CCSAP: variants seen among roughly 807,000 people sequenced by gnomAD.
CCSAP encodes the protein centriole, cilia and spindle associated protein, also known as centriole, cilia and spindle-associated protein.
CCSAP carries 17 observed loss-of-function variants against 25.9 expected under a neutral mutation model. The observed-to-expected ratio is 0.66, with a 90% CI of 0.45 to 0.99. CCSAP has a LOEUF of 0.99. Among genes scored for constraint, CCSAP ranks in the 50% least tolerant of loss-of-function variants. The probability of loss-of-function intolerance (pLI) is 0.00; values close to 1 mark genes in which losing one functional copy is unlikely to be tolerated. For synonymous variants in CCSAP, 169 were observed against 157.1 expected (o/e 1.08, Z -0.57); for missense variants, 339 against 367.8 (o/e 0.92, Z 0.64).
Position 229,341,650 on chromosome 1 carries a change from A to G in CCSAP, c.367+449T>C, listed in dbSNP as rs1377717943. ...GGTCGGGGAGTTAATACGGAAAACA[A>G]TGGCCCCATTCATCAGACAAAGCTT... On this transcript the variant is annotated intron_variant, in intron 2 of 3. Transcript: ENST00000284617. Among the ~76,000 whole-genome samples, 3 of 152,238 alleles carry G rather than the reference A, an allele frequency of 2.0e-5. 1 individual carries two copies. Among genetic ancestry groups the G allele is most frequent in the Non-Finnish European group, 4.4e-5 (3 of 68,044 alleles).
rs80083823 is a variant in CCSAP, at chr1:229,338,293, C to T, written c.367+3806G>A. Among the ~76,000 whole-genome samples, 15 of 151,974 alleles carry T rather than the reference C, an allele frequency of 9.9e-5. No homozygotes were observed. In the East Asian group the frequency reaches 1.5e-3, roughly 16 times the overall value. ...AGGGTGGCCAATGCTGAAAGGAAAG[C>T]GAAACTGAGTGAAAGGAGCAAGGGG... is the stretch of plus-strand genomic sequence containing the variant. On this transcript the variant is annotated intron_variant, in intron 2 of 3. Coordinates refer to ENST00000284617, the MANE Select transcript of CCSAP (RefSeq NM_145257.5).
At chr1:229,326,190 A>G (rs1460543481) in intron 3 of CCSAP, among the ~76,000 whole-genome samples, 1 of 152,248 alleles carries the variant, frequency 6.6e-6, no homozygotes, top group African/African-American at 2.4e-5. Context: ...TCAGGGGAGG[A>G]CTAAAGCTCC....
chr1:229,322,370 A>G lies in CCSAP; in HGVS notation c.*2865T>C, dbSNP rs951579633. On this transcript the variant is annotated 3_prime_UTR_variant, in exon 4 of 4. Coordinates refer to ENST00000284617, the MANE Select transcript of CCSAP (RefSeq NM_145257.5). Reference sequence around the variant, plus strand: ...GCTAGCAATTGATCTTCGATGAAACACAATGACAAAGATATTACATATGAA... The same window carrying G: ...GCTAGCAATTGATCTTCGATGAAACGCAATGACAAAGATATTACATATGAA... 5 of 152,236 alleles carry G rather than the reference A, an allele frequency of 3.3e-5. No individual in the cohort carries two copies. The highest frequency in any genetic ancestry group is 1.2e-4 in the African/African-American group (5 of 41,464). The allele number at this position is 152,236 out of a possible 1,614,324, so 9.4% of individuals were successfully genotyped here.
At position 229,323,400 on chromosome 1, in the gene CCSAP, T is replaced by C. The variant is rs1261972842; in HGVS notation, c.*1835A>G. 6.6e-6 allele frequency: 1 copy of C among 152,234 alleles called. No homozygotes were observed. Among genetic ancestry groups the C allele is most frequent in the African/African-American group, 2.4e-5 (1 of 41,458 alleles). 9.4% of individuals were successfully genotyped at this position (152,234 alleles called of 1,614,324 possible). ...CACCACTCTCTAAGGCCGTCTTTCC[T>C]AGATTGTCAGCTGCAACACAAGCCT... On this transcript the variant is annotated 3_prime_UTR_variant, in exon 4 of 4. Transcript: ENST00000284617.
intron 2 of CCSAP, among the ~76,000 whole-genome samples, chr1:229,328,290 A>G (rs996844418): frequency 3.3e-5 from 5 of 151,958 alleles, no homozygotes; most frequent in African/African-American, 1.2e-4. Context: ...GCTCTCAGTC[A>G]TGATTTTATT....
At chr1:229,330,848 A>AG (rs1658052511) in intron 2 of CCSAP, among the ~76,000 whole-genome samples, 1 of 151,988 alleles carries the variant, frequency 6.6e-6, no homozygotes, top group Admixed American at 6.5e-5. Flanking sequence ...AAAAAAAAAA[A>AG]AAAGAAAATG....
At chr1:229,336,446 A>C (rs1658198075) in intron 2 of CCSAP, among the ~76,000 whole-genome samples, 1 of 151,818 alleles carries the variant, frequency 6.6e-6, no homozygotes. Flanking sequence ...ACCTTCCTCC[A>C]CCTCTGTTCC....
rs1327430520 is a variant in CCSAP, at chr1:229,342,590, A to G, written c.-48-77T>C. The G allele has an allele frequency of 5.0e-6, 3 of 604,912 alleles. No individual in the cohort carries two copies. The highest frequency in any genetic ancestry group is 7.2e-6 in the Non-Finnish European group (3 of 418,572). 37.5% of individuals were successfully genotyped at this position (604,912 alleles called of 1,614,324 possible). ...TGCCCGCCGCGACGTTTAAACCCGGAGCCCCGCCCGGACGGGAGCAGGGGG... is the reference window on the plus strand; with the variant it reads ...TGCCCGCCGCGACGTTTAAACCCGGGGCCCCGCCCGGACGGGAGCAGGGGG... On this transcript the variant is annotated intron_variant, in intron 1 of 3. Transcript: ENST00000284617. The surrounding 1 kb of genome is among the most constrained non-coding windows in gnomAD (Gnocchi z 7.5).
At chr1:229,327,141 A>G (rs147361918) in intron 2 of CCSAP, 135 bp from the exon 3 acceptor site, 4 of 696,760 alleles carry the variant, frequency 5.7e-6, no homozygotes, top group Non-Finnish European at 9.0e-6. Context: ...CGATCCACTT[A>G]AAGTAGAAAT....
chr1:229,341,193 C>CAAAAA lies in CCSAP; in HGVS notation c.367+901_367+905dup, dbSNP rs71561730. On this transcript the variant is annotated intron_variant, in intron 2 of 3. Transcript: ENST00000284617. ...TGGGCCACAGAGCGAGACTCCGTCTCAAAAAAAAAAAAAAAAAAAGATTAC... is the reference window on the plus strand; with the variant it reads ...TGGGCCACAGAGCGAGACTCCGTCTCAAAAAAAAAAAAAAAAAAAAAAAAGATTAC... 7.1e-3 allele frequency among the ~76,000 whole-genome samples: 645 copies of CAAAAA among 91,076 alleles called. 32 individuals are homozygous for CAAAAA. Among genetic ancestry groups the CAAAAA allele is most frequent in the African/African-American group, 0.028 (590 of 20,762 alleles). 59.7% of individuals were successfully genotyped at this position (91,076 alleles called of 152,430 possible). A position where few individuals can be genotyped will look rare whatever the true frequency, so the allele number is the denominator to read the frequency against.
At chr1:229,327,365 C>T in intron 2 of CCSAP, 1 of 362,196 alleles carries the variant, frequency 2.8e-6, no homozygotes, top group Non-Finnish European at 5.5e-6. Flanking sequence ...ATTTTGCTTT[C>T]CTTCACGGAA....
rs1022851531 is a variant in CCSAP at position 229,331,784 on chromosome 1, C to T, written c.368-4778G>A. ...TCTTCATCTGTGTCCTTTCTAATAT[C>T]CTTTTATTATTATTATTATTATTAT... On this transcript the variant is annotated intron_variant, in intron 2 of 3. Coordinates refer to ENST00000284617, the MANE Select transcript of CCSAP (RefSeq NM_145257.5). 1.3e-4 allele frequency among the ~76,000 whole-genome samples: 15 copies of T among 114,052 alleles called. No individual in the cohort carries two copies. The Admixed American group carries it at 1.5e-3, about 11-fold the overall frequency. The allele number at this position is 114,052 out of a possible 152,430, so 74.8% of individuals were successfully genotyped here.
chr1:229,332,186 C>T (rs1658084062), intron 2 of CCSAP, among the ~76,000 whole-genome samples: 1 of 152,114 alleles, frequency 6.6e-6, no homozygotes, highest in Non-Finnish European at 1.5e-5. Context: ...AAGTGTTTCC[C>T]TGAGTTCTAT....
chr1:229,341,051 G>A (rs932063741), intron 2 of CCSAP, among the ~76,000 whole-genome samples: 6 of 151,614 alleles, frequency 4.0e-5, no homozygotes, highest in African/African-American at 7.3e-5. Flanking sequence ...AAAATTAGCC[G>A]GGCGTGGTGG....
chr1:229,342,916 T>G lies in CCSAP; in HGVS notation c.-53A>C. Reference sequence around the variant, plus strand: ...GGTCCCGCGGGGCTGCCTTACCTCCTTCCCGCCGCGCCCGGCCGATCCTCT... The same window carrying G: ...GGTCCCGCGGGGCTGCCTTACCTCCGTCCCGCCGCGCCCGGCCGATCCTCT... On this transcript the variant is annotated 5_prime_UTR_variant, in exon 1 of 4. Transcript: ENST00000284617. The surrounding 1 kb of genome is among the most constrained non-coding windows in gnomAD (Gnocchi z 7.5). 2 of 153,750 alleles carry G rather than the reference T, an allele frequency of 1.3e-5. No individual in the cohort carries two copies. Among genetic ancestry groups the G allele is most frequent in the Non-Finnish European group, 2.9e-5 (2 of 68,978 alleles). 9.5% of individuals were successfully genotyped at this position (153,750 alleles called of 1,614,324 possible).
intron 2 of CCSAP, among the ~76,000 whole-genome samples, chr1:229,332,399 G>A (rs1658091532): frequency 6.6e-6 from 1 of 151,810 alleles, no homozygotes; most frequent in Non-Finnish European, 1.5e-5. Flanking sequence ...TTGCTGGTGG[G>A]AAAATAGCCC....
At chr1:229,327,290 A>C in intron 2 of CCSAP, 1 of 340,212 alleles carries the variant, frequency 2.9e-6, no homozygotes. Context: ...GAATGTTAAA[A>C]GATAGACAGC....
chr1:229,324,242 A>G lies in CCSAP; in HGVS notation c.*993T>C, dbSNP rs932933460. The G allele has an allele frequency of 7.9e-5, 12 of 152,550 alleles. 1 individual carries two copies. The highest frequency in any genetic ancestry group is 1.7e-4 in the African/African-American group (7 of 41,454). The allele number at this position is 152,550 out of a possible 1,614,324, so 9.4% of individuals were successfully genotyped here. ...AAGAGAAAGTAGGGGTGGGCAGTCT[A>G]TCTAACAGGCATCTTCACACTGGTC... On this transcript the variant is annotated 3_prime_UTR_variant, in exon 4 of 4. Coordinates refer to ENST00000284617, the MANE Select transcript of CCSAP (RefSeq NM_145257.5).
At chr1:229,334,522 T>C (rs1010919578) in intron 2 of CCSAP, among the ~76,000 whole-genome samples, 1 of 151,796 alleles carries the variant, frequency 6.6e-6, no homozygotes, top group African/African-American at 2.4e-5. Context: ...AAAAAATCAA[T>C]GATAAGCATC....
Sources: gnomAD v4.1 joint callset for allele counts (sites outside exome capture counted in the v4.1 genomes callset) on GRCh38, gnomAD v4.1.1 for gene constraint, Gnocchi (gnomAD v3.1) non-coding constraint, MANE v1.5 for transcripts, NCBI Gene and HGNC (gene_info 2026-07-23, HGNC 2026-07-21) for gene names.